The following ATXN1 variants were observed in gnomAD, a reference collection of about 807,000 sequenced individuals.
ATXN1 encodes ataxin-1.
In ATXN1, 8 loss-of-function variants were observed where a neutral mutation model predicts 56.4. That is an observed-to-expected ratio of 0.14 (90% confidence interval 0.08 to 0.26). The LOEUF is 0.26. ATXN1 is among the 10% of genes least tolerant of loss of function. ATXN1 has a pLI of 1.00. For synonymous variants in ATXN1, 514 were observed against 494.6 expected, an observed-to-expected ratio of 1.04 and a Z score of -0.52; for missense variants, 987 against 1,106.5, an observed-to-expected ratio of 0.89 and a Z score of 1.53.
intron 1 of ATXN1, chr6:16,753,970 T>G (rs1268206301): frequency 1.3e-5 from 2 of 152,364 alleles, no homozygotes; most frequent in African/African-American, 2.4e-5. Flanking sequence ...AGTAAAAATT[T>G]TCCATTGTAT....
intron 7 of ATXN1, among the ~76,000 whole-genome samples, chr6:16,310,428 T>C (rs1025943875): frequency 1.3e-5 from 2 of 152,214 alleles, no homozygotes; most frequent in Non-Finnish European, 2.9e-5. Context: ...GGTAGATACA[T>C]GGTGAATCTG....
At chr6:16,695,253 T>C (rs1673880412) in intron 2 of ATXN1, among the ~76,000 whole-genome samples, 1 of 152,214 alleles carries the variant, frequency 6.6e-6, no homozygotes, top group Non-Finnish European at 1.5e-5. Flanking sequence ...ACATTATAAA[T>C]TAGTATTTCT....
At chr6:16,351,188 C>T (rs917925896) in intron 6 of ATXN1, among the ~76,000 whole-genome samples, 2 of 152,138 alleles carry the variant, frequency 1.3e-5, no homozygotes, top group African/African-American at 4.8e-5. Flanking sequence ...AAAAACTTCT[C>T]TTATTCAGCA....
intron 6 of ATXN1, among the ~76,000 whole-genome samples, chr6:16,479,572 T>C (rs1402453661): frequency 3.3e-5 from 5 of 152,258 alleles, no homozygotes; most frequent in South Asian, 2.1e-4. Flanking sequence ...CTGTTTACAT[T>C]AGTCCTAAGG....
intron 3 of ATXN1, chr6:16,653,069 T>A (rs886188722): frequency 1.2e-4 from 18 of 152,236 alleles, no homozygotes; most frequent in African/African-American, 4.1e-4. Context: ...GTGGTTAGAT[T>A]AACAGCTAAT....
chr6:16,462,873 C>T (rs1164988891), intron 6 of ATXN1, among the ~76,000 whole-genome samples: 1 of 152,086 alleles, frequency 6.6e-6, no homozygotes, highest in Admixed American at 6.5e-5. Context: ...GTCCGCTTCT[C>T]AGGGCCCCCA....
intron 3 of ATXN1, among the ~76,000 whole-genome samples, chr6:16,588,956 C>G (rs1291788401): frequency 6.6e-6 from 1 of 152,128 alleles, no homozygotes; most frequent in Non-Finnish European, 1.5e-5. Context: ...AGCTCTGACC[C>G]CAGCCAGCCG....
At chr6:16,309,825 G>C (rs1452459294) in intron 7 of ATXN1, among the ~76,000 whole-genome samples, 4 of 152,108 alleles carry the variant, frequency 2.6e-5, no homozygotes, top group Admixed American at 1.3e-4. Flanking sequence ...CCTGAGGTCA[G>C]GAGTTTGAGA....
At chr6:16,697,509 C>A (rs1474745249) in intron 2 of ATXN1, among the ~76,000 whole-genome samples, 1 of 152,064 alleles carries the variant, frequency 6.6e-6, no homozygotes, top group Non-Finnish European at 1.5e-5. Flanking sequence ...TTTTTCCCAC[C>A]CAGTGCTCTC....
rs1393782407 is a variant in ATXN1, at chr6:16,761,394, C to G, written c.-826G>C. The G allele has an allele frequency of 2.2e-6, 1 of 456,590 alleles. No individual in the cohort carries two copies. 28.3% of individuals were successfully genotyped at this position (456,590 alleles called of 1,614,324 possible). On this transcript the variant is annotated 5_prime_UTR_variant, in exon 1 of 8. Transcript: ENST00000436367. ...TGCTGTTGCTCTGGCTGCTGCTCCA[C>G]GGGGCTTGTTTTGGATCCCCCTGCA... is the stretch of plus-strand genomic sequence containing the variant.
At chr6:16,461,833 C>T (rs527950221) in intron 6 of ATXN1, among the ~76,000 whole-genome samples, 14 of 152,224 alleles carry the variant, frequency 9.2e-5, no homozygotes, top group South Asian at 4.1e-4. Context: ...AGAAGGCAAA[C>T]GAAACACTCA....
intron 7 of ATXN1, among the ~76,000 whole-genome samples, chr6:16,318,239 A>T (rs1004770948): frequency 3.3e-5 from 5 of 152,264 alleles, no homozygotes; most frequent in African/African-American, 9.6e-5. Flanking sequence ...TGCGAAGGGC[A>T]TCTGTTTTAC....
chr6:16,695,242 T>C (rs3812199), intron 2 of ATXN1, among the ~76,000 whole-genome samples: 64,323 of 152,008 alleles, frequency 0.42, 13,717 homozygotes, highest in African/African-American at 0.45. Context: ...CTGAAAAGGA[T>C]ACATTATAAA....
At chr6:16,712,841 T>C (rs1331710638) in intron 2 of ATXN1, among the ~76,000 whole-genome samples, 1 of 152,102 alleles carries the variant, frequency 6.6e-6, no homozygotes, top group African/African-American at 2.4e-5. Flanking sequence ...TCGCCATTTA[T>C]AGATTTATAT....
rs968184100 is a variant in ATXN1 at position 16,487,692 on chromosome 6, G to A, written c.-298-1583C>T. On this transcript the variant is annotated intron_variant, in intron 5 of 7. Coordinates refer to ENST00000436367, the MANE Select transcript of ATXN1 (RefSeq NM_001128164.2). ...CCCAAGGAGCTCACTGCCTCAAGAG[G>A]GACAGAATTAAATAATTATATGAGT... 2.6e-5 allele frequency among the ~76,000 whole-genome samples: 4 copies of A among 152,036 alleles called. No homozygotes were observed. In the East Asian group the frequency reaches 7.7e-4, roughly 29 times the overall value.
intron 1 of ATXN1, among the ~76,000 whole-genome samples, chr6:16,755,624 T>C (rs1191175670): frequency 1.3e-5 from 2 of 151,594 alleles, no homozygotes; most frequent in African/African-American, 4.9e-5. Context: ...GTTAGAAGGA[T>C]AGATGCTATA....
intron 3 of ATXN1, among the ~76,000 whole-genome samples, chr6:16,639,878 G>C (rs879290061): frequency 5.3e-5 from 8 of 152,200 alleles, no homozygotes; most frequent in African/African-American, 1.7e-4. Flanking sequence ...AGCACCAGAA[G>C]TGGAGGCCTA....
intron 3 of ATXN1, among the ~76,000 whole-genome samples, chr6:16,625,778 T>C (rs1332981187): frequency 6.6e-6 from 1 of 151,692 alleles, no homozygotes; most frequent in Non-Finnish European, 1.5e-5. Flanking sequence ...AGAGTACACA[T>C]AACTAATCCA....
chr6:16,448,216 C>T (rs1032555445), intron 6 of ATXN1, among the ~76,000 whole-genome samples: 1 of 152,156 alleles, frequency 6.6e-6, no homozygotes, highest in South Asian at 2.1e-4. Flanking sequence ...CTCCACACTC[C>T]CTTCCACATC....
Sources: gnomAD v4.1 joint callset for allele counts (sites outside exome capture counted in the v4.1 genomes callset) on GRCh38, gnomAD v4.1.1 for gene constraint, MANE v1.5 for transcripts, NCBI Gene and HGNC (gene_info 2026-07-23, HGNC 2026-07-21) for gene names.